Variants in MEGF11 observed in about 807,000 individuals in gnomAD.
MEGF11 encodes the protein multiple EGF like domains 11, also known as multiple epidermal growth factor-like domains protein 11.
A neutral mutation model predicts 146.6 loss-of-function variants in MEGF11; 126 were observed. The ratio of observed to expected loss-of-function variants is 0.86; its 90% CI spans 0.74 to 1.00. The LOEUF (loss-of-function observed/expected upper bound fraction) is 1.00. Among genes scored for constraint, MEGF11 ranks in the 50% least tolerant of loss-of-function variants. The probability of loss-of-function intolerance (pLI) is 0.00; values close to 1 mark genes in which losing one functional copy is unlikely to be tolerated. For missense variants in MEGF11, 1,509 were observed against 1,521.2 expected (o/e 0.99, Z 0.13); for synonymous variants, 532 against 583.4 (o/e 0.91, Z 1.27).
At chr15:66,078,253 T>A (rs2085678284) in intron 5 of MEGF11, among the ~76,000 whole-genome samples, 1 of 151,968 alleles carries the variant, frequency 6.6e-6, no homozygotes, top group Non-Finnish European at 1.5e-5. Context: ...ACTGGATGAG[T>A]TAGGAGAGAT....
chr15:66,016,750 C>T (rs2082900872), intron 5 of MEGF11, among the ~76,000 whole-genome samples: 1 of 152,222 alleles, frequency 6.6e-6, no homozygotes, highest in Non-Finnish European at 1.5e-5. Context: ...CTTTTATTCA[C>T]TTAATTTATT....
At chr15:66,042,608 A>C (rs1231370276) in intron 5 of MEGF11, among the ~76,000 whole-genome samples, 1 of 152,170 alleles carries the variant, frequency 6.6e-6, no homozygotes, top group Non-Finnish European at 1.5e-5. Flanking sequence ...ATCAACTCAC[A>C]GTTCCAGAGG....
At chr15:65,977,144 G>T (rs2437056) in intron 7 of MEGF11, among the ~76,000 whole-genome samples, 107,288 of 139,270 alleles carry the variant, frequency 0.77, 43,278 homozygotes, top group Non-Finnish European at 0.91. Context: ...ACTCCAGCCT[G>T]GGCAAGATTG....
chr15:66,129,636 C>T (rs142639630), intron 1 of MEGF11, among the ~76,000 whole-genome samples: 64 of 152,248 alleles, frequency 4.2e-4, no homozygotes, highest in African/African-American at 1.5e-3. Flanking sequence ...GATGAGGAAG[C>T]GCTCAACCTA....
chr15:65,904,821 G>A (rs1596814278), intron 24 of MEGF11, among the ~76,000 whole-genome samples: 1 of 152,190 alleles, frequency 6.6e-6, no homozygotes, highest in African/African-American at 2.4e-5. Flanking sequence ...TTTTTAATAA[G>A]CTTTCCAGGT....
chr15:66,237,212 G>A (rs2092114210), intron 1 of MEGF11, among the ~76,000 whole-genome samples: 1 of 152,168 alleles, frequency 6.6e-6, no homozygotes, highest in Admixed American at 6.5e-5. Context: ...CCTGGATGAA[G>A]AAACTCCCAG....
At chr15:66,143,418 C>G (rs1479640827) in intron 1 of MEGF11, among the ~76,000 whole-genome samples, 1 of 152,174 alleles carries the variant, frequency 6.6e-6, no homozygotes, top group Non-Finnish European at 1.5e-5. Context: ...ATCCACCAGC[C>G]CCTCAGTCTA....
At chr15:65,980,132 G>T (rs563003967) in intron 7 of MEGF11, among the ~76,000 whole-genome samples, 20 of 152,180 alleles carry the variant, frequency 1.3e-4, no homozygotes, top group Non-Finnish European at 2.6e-4. Context: ...AGCCTTTTCT[G>T]CCACCTCTGG....
At chr15:65,972,596 C>T (rs1407881563) in intron 7 of MEGF11, among the ~76,000 whole-genome samples, 1 of 152,102 alleles carries the variant, frequency 6.6e-6, no homozygotes, top group African/African-American at 2.4e-5. Context: ...ATACAAAAAT[C>T]AGGAATTAAG....
intron 5 of MEGF11, among the ~76,000 whole-genome samples, chr15:66,045,918 C>T (rs1479860078): frequency 6.6e-6 from 1 of 152,076 alleles, no homozygotes; most frequent in Non-Finnish European, 1.5e-5. Flanking sequence ...GCCTGGCCAA[C>T]ATGGTGAAAT....
At chr15:65,907,113 T>G (rs1194572098) in intron 23 of MEGF11, among the ~76,000 whole-genome samples, 1 of 152,114 alleles carries the variant, frequency 6.6e-6, no homozygotes, top group Non-Finnish European at 1.5e-5. Context: ...TAAAATACAG[T>G]TTGACTCTCC....
intron 5 of MEGF11, among the ~76,000 whole-genome samples, chr15:66,002,264 C>G (rs368538623): frequency 6.6e-6 from 1 of 152,210 alleles, no homozygotes; most frequent in Admixed American, 6.5e-5. Context: ...AGCTGGCTAC[C>G]TGTCATCACT....
chr15:66,039,752 C>T (rs1464544004), intron 5 of MEGF11, among the ~76,000 whole-genome samples: 1 of 151,120 alleles, frequency 6.6e-6, no homozygotes, highest in Non-Finnish European at 1.5e-5. Flanking sequence ...GGGTTCTGAG[C>T]CGGGTCAGGC....
intron 10 of MEGF11, among the ~76,000 whole-genome samples, chr15:65,950,069 A>G (rs2080340610): frequency 6.6e-6 from 1 of 152,094 alleles, no homozygotes; most frequent in Non-Finnish European, 1.5e-5. Flanking sequence ...CAAACAGGGC[A>G]CTCAGGCCAG....
At chr15:66,105,000 A>G (rs896768486) in intron 4 of MEGF11, among the ~76,000 whole-genome samples, 6 of 152,124 alleles carry the variant, frequency 3.9e-5, no homozygotes, top group African/African-American at 1.4e-4. Flanking sequence ...AAACTGTCCC[A>G]TCAGGGACCA....
chr15:66,163,280 A>C (rs550271739), intron 1 of MEGF11, among the ~76,000 whole-genome samples: 21 of 152,292 alleles, frequency 1.4e-4, no homozygotes, highest in African/African-American at 5.1e-4. Context: ...TGGGTTCTGA[A>C]GCTAGCAGAG....
At chr15:66,149,362 G>A (rs1459313709) in intron 1 of MEGF11, among the ~76,000 whole-genome samples, 1 of 152,144 alleles carries the variant, frequency 6.6e-6, no homozygotes, top group Non-Finnish European at 1.5e-5. Context: ...TCCAACCCTT[G>A]GTTTCCACCT....
At chr15:66,193,414 G>A (rs999504957) in intron 1 of MEGF11, among the ~76,000 whole-genome samples, 2 of 152,170 alleles carry the variant, frequency 1.3e-5, no homozygotes, top group African/African-American at 4.8e-5. Context: ...AGAGGTACAA[G>A]GTTAAGTAAA....
At chr15:65,942,580 G>C (rs2080035602) in intron 10 of MEGF11, among the ~76,000 whole-genome samples, 1 of 152,128 alleles carries the variant, frequency 6.6e-6, no homozygotes, top group Non-Finnish European at 1.5e-5. Flanking sequence ...TGCTGCTGCT[G>C]ACCTCAGATG....
Sources: gnomAD v4.1 joint callset for allele counts (sites outside exome capture counted in the v4.1 genomes callset) on GRCh38, gnomAD v4.1.1 for gene constraint, MANE v1.5 for transcripts, NCBI Gene and HGNC (gene_info 2026-07-23, HGNC 2026-07-21) for gene names.